Variants in LINGO1 observed in about 807,000 individuals in gnomAD.
The protein encoded by LINGO1 is leucine rich repeat and Ig domain containing 1.
LINGO1 carries 11 observed loss-of-function variants against 37.3 expected under a neutral mutation model. The ratio of observed to expected loss-of-function variants is 0.29; its 90% CI spans 0.19 to 0.49. The LOEUF (loss-of-function observed/expected upper bound fraction) is 0.49. Ranked by LOEUF, LINGO1 falls within the 20% of genes least tolerant of loss-of-function variation. The probability of loss-of-function intolerance (pLI) is 0.99; values close to 1 mark genes in which losing one functional copy is unlikely to be tolerated. For missense variants in LINGO1, 585 were observed against 878.2 expected (o/e 0.67, Z 4.22); for synonymous variants, 387 against 403.0 (o/e 0.96, Z 0.48).
At chr15:77,813,638 C>T (rs1232595791) in intron 1 of LINGO1, among the ~76,000 whole-genome samples, 1 of 152,134 alleles carries the variant, frequency 6.6e-6, no homozygotes, top group Non-Finnish European at 1.5e-5. Context: ...AACAGTGATA[C>T]GTTGAATGAT....
intron 1 of LINGO1, among the ~76,000 whole-genome samples, chr15:77,627,409 C>T (rs868277452): frequency 6.6e-6 from 1 of 152,112 alleles, no homozygotes; most frequent in Non-Finnish European, 1.5e-5. Context: ...TGGAGGGCCT[C>T]GCGGGTCGGG....
chr15:77,790,923 G>C (rs982249146), upstream of LINGO1, among the ~76,000 whole-genome samples: 1 of 152,182 alleles, frequency 6.6e-6, no homozygotes, highest in Non-Finnish European at 1.5e-5. Context: ...ACGATCTCAG[G>C]GATACCTATA....
At chr15:77,713,034 TTTTGTTTGTTTG>T (rs1008596868) in intron 2 of LINGO1, among the ~76,000 whole-genome samples, 1 of 152,078 alleles carries the variant, frequency 6.6e-6, no homozygotes, top group Admixed American at 6.6e-5. Context: ...GGTTTTGGTT[TTTTGTTTGTTTG>T]TTTGTTTGTT....
At chr15:77,788,266 G>A (rs61271532), upstream of LINGO1, 29,452 of 152,154 alleles carry the variant, frequency 0.19, 3,157 homozygotes, top group Admixed American at 0.33. Context: ...CCCCTCTGCG[G>A]CCCTCTATCA....
intron 1 of LINGO1, among the ~76,000 whole-genome samples, chr15:77,808,182 A>C (rs1390700703): frequency 2.6e-5 from 4 of 152,032 alleles, no homozygotes; most frequent in Non-Finnish European, 5.9e-5. Flanking sequence ...CCTGTTCAAA[A>C]TCCAGAGAAC....
chr15:77,711,885 G>T (rs574400359), intron 2 of LINGO1, among the ~76,000 whole-genome samples: 5 of 135,950 alleles, frequency 3.7e-5, no homozygotes, highest in South Asian at 2.1e-4. Flanking sequence ...CTCCTCTGAG[G>T]GGGGGGCACA....
At chr15:77,689,680 G>A (rs959954791) in intron 2 of LINGO1, among the ~76,000 whole-genome samples, 5 of 152,144 alleles carry the variant, frequency 3.3e-5, no homozygotes, top group African/African-American at 7.2e-5. Context: ...CTTTGCCTGC[G>A]CTATCATTCC....
At chr15:77,751,539 G>A (rs2076371497) in intron 1 of LINGO1, among the ~76,000 whole-genome samples, 2 of 152,190 alleles carry the variant, frequency 1.3e-5, no homozygotes, top group African/African-American at 4.8e-5. Context: ...GGGGGACACA[G>A]AGAAAGAGCA....
In LINGO1 at chr15:77,614,758, G is replaced by C. The variant is rs1264276492; in HGVS notation, c.1149C>G (p.Arg383=). 6.2e-7 allele frequency: 1 copy of C among 1,607,268 alleles called. No individual in the cohort carries two copies. The highest frequency in any genetic ancestry group is 1.7e-5 in the Admixed American group (1 of 58,902). The change falls in exon 2 of 2, where the codon CGC becomes CGG. Residue 383 remains arginine (R), a synonymous_variant. Transcript: ENST00000355300. ...CDCRLLWVFR[R]RWRLNFNRQQ... is the part of the protein sequence containing the mutation. ...GCCGGTTGAAGTTGAGCCGCCAGCG[G>C]CGCCGGAACACCCACAGGAGCCGAC... is the stretch of plus-strand genomic sequence containing the variant.
intron 1 of LINGO1, among the ~76,000 whole-genome samples, chr15:77,768,579 G>A (rs2076553191): frequency 6.6e-6 from 1 of 152,152 alleles, no homozygotes; most frequent in Non-Finnish European, 1.5e-5. Flanking sequence ...CTGGTGGGCA[G>A]GTTGGGACAG....
At chr15:77,710,172 C>T (rs1223148922) in intron 2 of LINGO1, among the ~76,000 whole-genome samples, 1 of 152,218 alleles carries the variant, frequency 6.6e-6, no homozygotes, top group African/African-American at 2.4e-5. Context: ...TCCCTCACCC[C>T]CACCAACACC....
intron 1 of LINGO1, among the ~76,000 whole-genome samples, chr15:77,628,947 G>A (rs902922450): frequency 6.6e-6 from 1 of 152,232 alleles, no homozygotes; most frequent in Non-Finnish European, 1.5e-5. Flanking sequence ...TGTAAACTAT[G>A]AGTAGCTAGC....
upstream of LINGO1, among the ~76,000 whole-genome samples, chr15:77,789,798 T>C (rs1180011222): frequency 6.6e-6 from 1 of 150,748 alleles, no homozygotes; most frequent in African/African-American, 2.4e-5. Flanking sequence ...GGCTTTGGGG[T>C]TTTTTTGAGA....
At chr15:77,646,458 T>C in intron 3 of LINGO1, 2 of 455,816 alleles carry the variant, frequency 4.4e-6, no homozygotes, top group Non-Finnish European at 8.8e-6. Flanking sequence ...GAGACACTGG[T>C]GTGACTCATA....
chr15:77,749,371 T>C (rs1408071693), intron 1 of LINGO1, among the ~76,000 whole-genome samples: 2 of 152,166 alleles, frequency 1.3e-5, no homozygotes, highest in Non-Finnish European at 2.9e-5. Flanking sequence ...CAGTGAGTAC[T>C]CAGCACCTCC....
intron 1 of LINGO1, among the ~76,000 whole-genome samples, chr15:77,755,206 G>A (rs2076407984): frequency 1.3e-5 from 2 of 152,192 alleles, no homozygotes; most frequent in South Asian, 4.1e-4. Flanking sequence ...GCCCATCCCA[G>A]GCCTGGCCCC....
chr15:77,788,970 G>C (rs2076797284), upstream of LINGO1, among the ~76,000 whole-genome samples: 1 of 152,156 alleles, frequency 6.6e-6, no homozygotes. Flanking sequence ...TGGTCTCAGG[G>C]AAGCCCTGGT....
rs34524098 is a variant in LINGO1 at position 77,760,916 on chromosome 15, C to CTTTTTTTTTTT, written c.-256-25874_-256-25864dup. Among the ~76,000 whole-genome samples the CTTTTTTTTTTT allele has an allele frequency of 3.6e-4, 35 of 96,414 alleles. 6 individuals carry two copies. Among genetic ancestry groups the CTTTTTTTTTTT allele is most frequent in the African/African-American group, 1.7e-3 (35 of 20,518 alleles). The allele number at this position is 96,414 out of a possible 152,430, so 63.3% of individuals were successfully genotyped here. ...TTTTGTTGTGATTGTTAATAAGTAT[C>CTTTTTTTTTTT]TTTTTTTTTTTTTTTTTTTTTTTTT... On this transcript the variant is annotated intron_variant, in intron 1 of 3. Coordinates refer to the LINGO1 transcript ENST00000561686.
intron 2 of LINGO1, among the ~76,000 whole-genome samples, chr15:77,687,939 C>T (rs1304645871): frequency 6.6e-6 from 1 of 152,102 alleles, no homozygotes; most frequent in Admixed American, 6.5e-5. Context: ...CTACCACCAT[C>T]GGGCTTCAGT....
Sources: allele counts gnomAD v4.1 joint callset (sites outside exome capture counted in the v4.1 genomes callset), GRCh38; gene constraint gnomAD v4.1.1; transcripts MANE v1.5; gene names NCBI Gene and HGNC (gene_info 2026-07-23, HGNC 2026-07-21).